The following TRAPPC9 variants were observed in gnomAD, a reference collection of about 807,000 sequenced individuals.
TRAPPC9 encodes IKK2 binding protein.
TRAPPC9 carries 83 observed loss-of-function variants against 124.0 expected under a neutral mutation model. The observed-to-expected ratio is 0.67, with a 90% CI of 0.56 to 0.80. TRAPPC9 has a LOEUF of 0.80. TRAPPC9 is among the 30% of genes least tolerant of loss of function. The pLI is 0.00. For synonymous variants in TRAPPC9, 638 were observed against 617.5 expected (o/e 1.03, Z -0.49); for missense variants, 1,302 against 1,508.3 (o/e 0.86, Z 2.27).
chr8:140,226,295 TA>T (rs1324126322), intron 16 of TRAPPC9, among the ~76,000 whole-genome samples: 2 of 152,166 alleles, frequency 1.3e-5, no homozygotes, highest in Admixed American at 6.5e-5. Flanking sequence ...AATCACGTTA[TA>T]AAGATCCAGC....
At chr8:139,739,297 C>A (rs1307741328) in intron 21 of TRAPPC9, among the ~76,000 whole-genome samples, 1 of 152,238 alleles carries the variant, frequency 6.6e-6, no homozygotes, top group Non-Finnish European at 1.5e-5. Flanking sequence ...CCTCCACCCG[C>A]CCCGCCCTGG....
intron 16 of TRAPPC9, among the ~76,000 whole-genome samples, chr8:140,244,786 G>T (rs1367242211): frequency 1.4e-5 from 2 of 147,754 alleles, no homozygotes; most frequent in African/African-American, 5.0e-5. Flanking sequence ...TTATTACTAA[G>T]GTGTTTCCAA....
chr8:139,855,754 C>T (rs776144712), intron 21 of TRAPPC9, among the ~76,000 whole-genome samples: 4 of 152,224 alleles, frequency 2.6e-5, no homozygotes, highest in Admixed American at 6.5e-5. Flanking sequence ...GCCGCAAGCC[C>T]GCTCGACCCC....
chr8:140,006,696 C>T (rs1468028907), intron 18 of TRAPPC9, among the ~76,000 whole-genome samples: 3 of 152,172 alleles, frequency 2.0e-5, no homozygotes, highest in Non-Finnish European at 4.4e-5. Flanking sequence ...GTGGTTGAAT[C>T]TTGAAAACAA....
intron 21 of TRAPPC9, among the ~76,000 whole-genome samples, chr8:139,756,596 A>G (rs1292552895): frequency 9.2e-5 from 8 of 87,376 alleles, no homozygotes; most frequent in African/African-American, 1.9e-4. Flanking sequence ...GATGGGGTAT[A>G]AGGACAGCGT....
At chr8:140,370,550 C>T (rs1456503410) in intron 8 of TRAPPC9, among the ~76,000 whole-genome samples, 2 of 152,198 alleles carry the variant, frequency 1.3e-5, no homozygotes, top group Non-Finnish European at 2.9e-5. Flanking sequence ...TATTACCCTG[C>T]ATTAATATTT....
At chr8:140,225,650 G>T (rs1028722919) in intron 16 of TRAPPC9, among the ~76,000 whole-genome samples, 1 of 152,204 alleles carries the variant, frequency 6.6e-6, no homozygotes, top group African/African-American at 2.4e-5. Context: ...CCAGGAACCA[G>T]GTCAAGCGGA....
chr8:140,434,822 T>C (rs1020472133), intron 4 of TRAPPC9, among the ~76,000 whole-genome samples: 19 of 151,900 alleles, frequency 1.3e-4, no homozygotes, highest in African/African-American at 4.4e-4. Context: ...TACAAAAAAT[T>C]AGCCATGTGT....
chr8:139,880,229 C>T (rs1424643160), intron 21 of TRAPPC9, among the ~76,000 whole-genome samples: 3 of 152,264 alleles, frequency 2.0e-5, no homozygotes, highest in African/African-American at 7.2e-5. Context: ...AGGGACCAAC[C>T]CAGGTGTGCA....
At chr8:140,323,293 A>ATAAACCAG (rs1322056544) in intron 9 of TRAPPC9, among the ~76,000 whole-genome samples, 1 of 152,178 alleles carries the variant, frequency 6.6e-6, no homozygotes, top group Non-Finnish European at 1.5e-5. Context: ...ATCCTTTGTA[A>ATAAACCAG]TATCCTTTAC....
intron 17 of TRAPPC9, among the ~76,000 whole-genome samples, chr8:140,194,134 C>T (rs946555694): frequency 6.6e-6 from 1 of 152,160 alleles, no homozygotes; most frequent in African/African-American, 2.4e-5. Flanking sequence ...CCCAGGACCA[C>T]CCATTTAAAA....
chr8:140,406,701 A>G (rs368367201), intron 5 of TRAPPC9, among the ~76,000 whole-genome samples: 2 of 152,208 alleles, frequency 1.3e-5, no homozygotes, highest in African/African-American at 4.8e-5. Flanking sequence ...CTCTAAGAAA[A>G]GGAGAACGAA....
In TRAPPC9 at chr8:140,033,672, T is replaced by TGTTTTG. The variant is rs1563706768; in HGVS notation, c.2557-9594_2557-9593insCAAAAC. 6.4e-4 allele frequency among the ~76,000 whole-genome samples: 60 copies of TGTTTTG among 94,212 alleles called. 1 individual carries two copies. Among genetic ancestry groups the TGTTTTG allele is most frequent in the Non-Finnish European group, 8.7e-4 (42 of 48,228 alleles). The allele number at this position is 94,212 out of a possible 152,430, so 61.8% of individuals were successfully genotyped here. A position where few individuals can be genotyped will look rare whatever the true frequency, so the allele number is the denominator to read the frequency against. On this transcript the variant is annotated intron_variant, in intron 17 of 22. Transcript: ENST00000438773. Reference sequence around the variant, plus strand: ...TTCATAATGTGGTTTTTTTTTTTTTTTTTTTTTTTTTTTTTTTTTTTTTTT... The same window carrying TGTTTTG: ...TTCATAATGTGGTTTTTTTTTTTTTTGTTTTGTTTTTTTTTTTTTTTTTTTTTTTTT...
chr8:140,180,860 C>T lies in TRAPPC9; in HGVS notation c.2556+40599G>A, dbSNP rs574058575. 7.2e-5 allele frequency among the ~76,000 whole-genome samples: 11 copies of T among 151,890 alleles called. No individual in the cohort carries two copies. In the South Asian group the frequency reaches 2.3e-3, roughly 32 times the overall value. ...TCAGTAATTTGATTAACTTATGTGACTGTGTGTGTGTGTCCATCCTGACTG... is the reference window on the plus strand; with the variant it reads ...TCAGTAATTTGATTAACTTATGTGATTGTGTGTGTGTGTCCATCCTGACTG... On this transcript the variant is annotated intron_variant, in intron 17 of 22. Transcript: ENST00000438773.
chr8:140,065,338 T>C (rs987930073), intron 17 of TRAPPC9, among the ~76,000 whole-genome samples: 1 of 152,240 alleles, frequency 6.6e-6, no homozygotes, highest in African/African-American at 2.4e-5. Context: ...ATGAAGAGGC[T>C]GGAGCAAGAC....
At chr8:140,378,504 C>T (rs747015802) in intron 7 of TRAPPC9, among the ~76,000 whole-genome samples, 1 of 152,140 alleles carries the variant, frequency 6.6e-6, no homozygotes, top group African/African-American at 2.4e-5. Flanking sequence ...GCTCTCCTTG[C>T]TCCTCAGCTT....
At chr8:140,113,268 G>C (rs2060816215) in intron 17 of TRAPPC9, among the ~76,000 whole-genome samples, 1 of 152,228 alleles carries the variant, frequency 6.6e-6, no homozygotes, top group Non-Finnish European at 1.5e-5. Flanking sequence ...CGCCATCCCA[G>C]GCAGCATGTG....
chr8:140,402,147 G>A (rs1459933451), intron 6 of TRAPPC9, among the ~76,000 whole-genome samples: 1 of 151,966 alleles, frequency 6.6e-6, no homozygotes, highest in Non-Finnish European at 1.5e-5. Context: ...TGGGAGGATT[G>A]CTTCAGGCCA....
intron 19 of TRAPPC9, among the ~76,000 whole-genome samples, chr8:139,949,109 T>C (rs1277552370): frequency 2.0e-5 from 3 of 151,460 alleles, no homozygotes; most frequent in Non-Finnish European, 2.9e-5. Context: ...AACAAACTAA[T>C]TAAAACAGAA....
Sources: allele counts gnomAD v4.1 joint callset (sites outside exome capture counted in the v4.1 genomes callset), GRCh38; gene constraint gnomAD v4.1.1; transcripts MANE v1.5; gene names NCBI Gene and HGNC (gene_info 2026-07-23, HGNC 2026-07-21).